Variants in PPP6R2 observed in about 807,000 individuals in gnomAD.
PPP6R2 encodes the protein serine/threonine-protein phosphatase 6 regulatory subunit 2.
A neutral mutation model predicts 100.2 loss-of-function variants in PPP6R2; 62 were observed. The observed-to-expected ratio is 0.62, with a 90% CI of 0.50 to 0.76. The LOEUF (loss-of-function observed/expected upper bound fraction) is 0.76, where lower values mean the gene tolerates loss of function less well. Ranked by LOEUF, PPP6R2 falls within the 30% of genes least tolerant of loss-of-function variation. The probability of loss-of-function intolerance (pLI) is 0.00; values close to 1 mark genes in which losing one functional copy is unlikely to be tolerated. For missense variants in PPP6R2, 1,142 were observed against 1,276.3 expected, an observed-to-expected ratio of 0.89 and a Z score of 1.60; for synonymous variants, 525 against 514.7, an observed-to-expected ratio of 1.02 and a Z score of -0.27.
chr22:50,382,193 C>T (rs750548917), intron 2 of PPP6R2, among the ~76,000 whole-genome samples: 13 of 152,200 alleles, frequency 8.5e-5, no homozygotes, highest in Non-Finnish European at 1.6e-4. Flanking sequence ...ATCTATTATT[C>T]GTTGGTGATA....
chr22:50,437,479 GTCCCTCCCTCCCTCCCTCCC>G lies in PPP6R2; in HGVS notation c.1684-22_1684-3del. ...CCTCCTCCATGACCGGTGTCTGTCC[GTCCCTCCCTCCCTCCCTCCC>G]TCCCAGGCCTTCTCTGACTACCAGA... On this transcript the variant is annotated splice_polypyrimidine_tract_variant and splice_region_variant and intron_variant, in intron 15 of 23. Coordinates refer to ENST00000612753, the MANE Select transcript of PPP6R2 (RefSeq NM_001242898.2). 1.3e-6 allele frequency: 1 copy of G among 776,352 alleles called. No homozygotes were observed. The highest frequency in any genetic ancestry group is 2.4e-6 in the Non-Finnish European group (1 of 422,104). 48.1% of individuals were successfully genotyped at this position (776,352 alleles called of 1,614,324 possible). A position where few individuals can be genotyped will look rare whatever the true frequency, so the allele number is the denominator to read the frequency against.
chr22:50,382,202 T>G (rs368328274), intron 2 of PPP6R2, among the ~76,000 whole-genome samples: 2 of 152,312 alleles, frequency 1.3e-5, no homozygotes, highest in South Asian at 2.1e-4. Context: ...TCGTTGGTGA[T>G]ACTATTATGT....
chr22:50,412,803 G>A (rs1468616022), intron 4 of PPP6R2, among the ~76,000 whole-genome samples: 5 of 150,456 alleles, frequency 3.3e-5, no homozygotes, highest in Non-Finnish European at 5.9e-5. Flanking sequence ...CACCATGCCC[G>A]GCTAATTTTT....
chr22:50,417,957 A>G (rs1357019672), intron 6 of PPP6R2, among the ~76,000 whole-genome samples: 1 of 152,222 alleles, frequency 6.6e-6, no homozygotes, highest in East Asian at 1.9e-4. Context: ...TCTTACCTAC[A>G]GAACAGCCCT....
rs2066606310 is a variant in PPP6R2 at position 50,444,511 on chromosome 22, G to A, written c.*264G>A. Reference sequence around the variant, plus strand: ...AAGCCCAGAGCACAGCAATAAGGTCGGCCTGCAGGAGCCGGGGTGGGGGTG... The same window carrying A: ...AAGCCCAGAGCACAGCAATAAGGTCAGCCTGCAGGAGCCGGGGTGGGGGTG... On this transcript the variant is annotated 3_prime_UTR_variant, in exon 24 of 24. Transcript: ENST00000612753. 1.2e-5 allele frequency: 4 copies of A among 341,838 alleles called. No individual in the cohort carries two copies. The highest frequency in any genetic ancestry group is 8.6e-5 in the South Asian group (2 of 23,318). 21.2% of individuals were successfully genotyped at this position (341,838 alleles called of 1,614,324 possible).
At chr22:50,386,546 A>G (rs1388204169) in intron 2 of PPP6R2, among the ~76,000 whole-genome samples, 1 of 152,192 alleles carries the variant, frequency 6.6e-6, no homozygotes, top group Non-Finnish European at 1.5e-5. Context: ...GAGCTTCTGC[A>G]GCAAGGAGGT....
chr22:50,376,471 G>A (rs2051581945), intron 2 of PPP6R2, among the ~76,000 whole-genome samples: 1 of 152,234 alleles, frequency 6.6e-6, no homozygotes, highest in South Asian at 2.1e-4. Context: ...GGCTGGAGTT[G>A]GAGTACAGTG....
chr22:50,384,654 A>T (rs538304253), intron 2 of PPP6R2, among the ~76,000 whole-genome samples: 200 of 152,324 alleles, frequency 1.3e-3, no homozygotes, highest in Non-Finnish European at 2.5e-3. Context: ...GCTGCTGGGG[A>T]CACTGTGGTG....
chr22:50,333,339 C>CA, the PPP6R2 span, among the ~76,000 whole-genome samples: 1 of 140,616 alleles, frequency 7.1e-6, no homozygotes, highest in African/African-American at 2.6e-5. Flanking sequence ...TGTTCTTTTT[C>CA]TTTTTTTTTT....
intron 1 of PPP6R2, among the ~76,000 whole-genome samples, chr22:50,348,082 G>T (rs2044179820): frequency 1.3e-5 from 2 of 152,080 alleles, no homozygotes; most frequent in Non-Finnish European, 2.9e-5. Context: ...GGAAATTTTG[G>T]GTGTGATATC....
chr22:50,376,206 G>C (rs1288194600), intron 2 of PPP6R2, among the ~76,000 whole-genome samples: 2 of 152,022 alleles, frequency 1.3e-5, no homozygotes, highest in Non-Finnish European at 2.9e-5. Context: ...TGTAACCCCA[G>C]CATATTGGGA....
chr22:50,404,508 C>T (rs1045858055), intron 3 of PPP6R2, among the ~76,000 whole-genome samples: 2 of 151,988 alleles, frequency 1.3e-5, no homozygotes, highest in Admixed American at 6.6e-5. Context: ...CTGCGCCTCC[C>T]GGGCTCAAGC....
At chr22:50,406,988 G>T (rs1331521956) in intron 4 of PPP6R2, 113 bp downstream of exon 4, 11 of 1,078,434 alleles carry the variant, frequency 1.0e-5, no homozygotes, top group Non-Finnish European at 1.5e-5. Flanking sequence ...AACAGCATCT[G>T]TGACTCTTCT....
intron 3 of PPP6R2, among the ~76,000 whole-genome samples, chr22:50,405,147 G>A (rs190642574): frequency 1.3e-5 from 2 of 152,230 alleles, no homozygotes; most frequent in South Asian, 4.1e-4. Context: ...GTTGATGGAA[G>A]GGGCATGGCT....
chr22:50,436,214 G>A (rs1365783561), intron 13 of PPP6R2, among the ~76,000 whole-genome samples, 153 bp from the exon 14 acceptor site: 1 of 152,210 alleles, frequency 6.6e-6, no homozygotes, highest in Non-Finnish European at 1.5e-5. Context: ...TTTCTCATCC[G>A]GCAAAGCCCC....
chr22:50,378,048 A>T (rs1318991968), intron 2 of PPP6R2, among the ~76,000 whole-genome samples: 1 of 152,216 alleles, frequency 6.6e-6, no homozygotes, highest in Admixed American at 6.5e-5. Context: ...AATGGTAAGC[A>T]GGATAAATAA....
chr22:50,373,532 C>T (rs189028807), intron 2 of PPP6R2, among the ~76,000 whole-genome samples: 14 of 151,418 alleles, frequency 9.2e-5, no homozygotes, highest in Admixed American at 6.6e-5. Flanking sequence ...CGTGAGCCAC[C>T]GCGCCCAGCC....
rs775488107 is a variant in PPP6R2, at chr22:50,431,429, T to C, written c.1335+47T>C. 2.0e-6 allele frequency: 3 copies of C among 1,528,010 alleles called. No individual in the cohort carries two copies. The South Asian group carries it at 3.4e-5, about 17-fold the overall frequency. The allele number at this position is 1,528,010 out of a possible 1,614,324, so 94.7% of individuals were successfully genotyped here. A position where few individuals can be genotyped will look rare whatever the true frequency, so the allele number is the denominator to read the frequency against. On this transcript the variant is annotated intron_variant, in intron 11 of 23. Transcript: ENST00000612753. The surrounding 1 kb of genome is among the most constrained non-coding windows in gnomAD (Gnocchi z 4.8). Reference sequence around the variant, plus strand: ...CTTATCAGCGCCAACTGCGCCCCACTCAGACCGTGTCCATGTCAGCGCTGA... The same window carrying C: ...CTTATCAGCGCCAACTGCGCCCCACCCAGACCGTGTCCATGTCAGCGCTGA...
intron 1 of PPP6R2, among the ~76,000 whole-genome samples, chr22:50,359,133 G>A (rs2047248776): frequency 6.6e-6 from 1 of 151,608 alleles, no homozygotes; most frequent in Non-Finnish European, 1.5e-5. Context: ...CCGAGTAGCT[G>A]GGATTATGGG....
Sources: gnomAD v4.1 joint callset for allele counts (sites outside exome capture counted in the v4.1 genomes callset) on GRCh38, gnomAD v4.1.1 for gene constraint, Gnocchi (gnomAD v3.1) non-coding constraint, MANE v1.5 for transcripts, NCBI Gene and HGNC (gene_info 2026-07-23, HGNC 2026-07-21) for gene names.